MGAT5: variants seen among roughly 807,000 people sequenced by gnomAD.
The protein encoded by MGAT5 is alpha-1,6-mannosylglycoprotein 6-beta-N-acetylglucosaminyltransferase.
A neutral mutation model predicts 94.3 loss-of-function variants in MGAT5; 30 were observed. That is an observed-to-expected ratio of 0.32 (90% CI 0.24 to 0.43). The LOEUF (loss-of-function observed/expected upper bound fraction) is 0.43. Among genes scored for constraint, MGAT5 ranks in the 20% least tolerant of loss-of-function variants. The pLI, the probability that MGAT5 is intolerant of heterozygous loss-of-function variation, is 1.00. For missense variants in MGAT5, 691 were observed against 905.5 expected, an observed-to-expected ratio of 0.76 and a Z score of 3.04; for synonymous variants, 310 against 322.9, an observed-to-expected ratio of 0.96 and a Z score of 0.43.
chr2:134,131,255 G>A (rs1008019512), intron 1 of MGAT5, among the ~76,000 whole-genome samples: 1 of 152,150 alleles, frequency 6.6e-6, no homozygotes, highest in Non-Finnish European at 1.5e-5. Context: ...CACACTCACC[G>A]CGAGGGTCCG....
intron 2 of MGAT5, among the ~76,000 whole-genome samples, chr2:134,288,085 C>T (rs1000682221): frequency 7.9e-5 from 12 of 152,160 alleles, no homozygotes; most frequent in Admixed American, 6.5e-4. Flanking sequence ...TTTGAATTCT[C>T]TTGCTGGTGT....
rs112694787 is a variant in MGAT5 at position 134,175,282 on chromosome 2, G to A, written c.-143+54991G>A. ...GAGAGTGAATAGGGCAGGCTCTTAT[G>A]TACCTACCCCTCCATATTCCCTGCC... On this transcript the variant is annotated intron_variant, in intron 1 of 16. Coordinates refer to the MGAT5 transcript ENST00000409645. Among the ~76,000 whole-genome samples, 905 of 152,294 alleles carry A rather than the reference G, an allele frequency of 5.9e-3. 7 individuals are homozygous for A. Among genetic ancestry groups the A allele is most frequent in the African/African-American group, 0.02 (827 of 41,554 alleles).
At chr2:134,393,283 A>G (rs1028341371) in intron 10 of MGAT5, among the ~76,000 whole-genome samples, 1 of 152,182 alleles carries the variant, frequency 6.6e-6, no homozygotes, top group African/African-American at 2.4e-5. Flanking sequence ...AGAAAAGGCC[A>G]GATTACCTCA....
intron 4 of MGAT5, among the ~76,000 whole-genome samples, chr2:134,319,191 G>C (rs1304914147): frequency 6.6e-6 from 1 of 152,134 alleles, no homozygotes; most frequent in Admixed American, 6.5e-5. Flanking sequence ...AAGTGAAATT[G>C]ATGGATCATA....
At position 134,422,870 on chromosome 2, in the gene MGAT5, A is replaced by C; in HGVS notation, c.1745A>C (p.Asn582Thr). 1 of 1,613,966 alleles carries C rather than the reference A, an allele frequency of 6.2e-7. No individual in the cohort carries two copies. The highest frequency in any genetic ancestry group is 8.5e-7 in the Non-Finnish European group (1 of 1,179,848). ...CCACATGTGTGGACTGTTGACCTCA[A>C]CAATCAGGAGGAAGTAGAGGATGCA... is the stretch of plus-strand genomic sequence containing the variant. ...GRPHVWTVDLNNQEEVEDAVK... is the reference protein window; with the variant it reads ...GRPHVWTVDLTNQEEVEDAVK... Residue 582 changes from asparagine (N) to threonine (T), a missense_variant, in exon 13 of 16, where the codon AAC becomes ACC. Coordinates refer to ENST00000281923, the MANE Select transcript of MGAT5 (RefSeq NM_002410.5).
intron 1 of MGAT5, among the ~76,000 whole-genome samples, chr2:134,191,781 G>A (rs1271537717): frequency 6.8e-6 from 1 of 146,678 alleles, no homozygotes; most frequent in African/African-American, 2.6e-5. Context: ...ATGGTAGGGT[G>A]GTTTCGTGCC....
intron 1 of MGAT5, among the ~76,000 whole-genome samples, chr2:134,264,108 C>T (rs771082500): frequency 1.4e-5 from 2 of 148,032 alleles, no homozygotes; most frequent in Admixed American, 1.4e-4. Context: ...CCGCAATCTC[C>T]GCCTCCCAGG....
intron 11 of MGAT5, among the ~76,000 whole-genome samples, chr2:134,408,529 A>G (rs1683470463): frequency 6.6e-6 from 1 of 152,188 alleles, no homozygotes; most frequent in Non-Finnish European, 1.5e-5. Context: ...AGACTCTGAC[A>G]AAAGTCTGCT....
At chr2:134,324,684 A>T (rs535553237) in intron 4 of MGAT5, among the ~76,000 whole-genome samples, 5 of 152,250 alleles carry the variant, frequency 3.3e-5, no homozygotes, top group Admixed American at 1.3e-4. Context: ...CAAAGTGGGC[A>T]GTGATAAAGA....
intron 4 of MGAT5, among the ~76,000 whole-genome samples, chr2:134,335,130 A>T (rs1688256417): frequency 6.6e-6 from 1 of 152,134 alleles, no homozygotes; most frequent in Non-Finnish European, 1.5e-5. Context: ...CAGATTAAGT[A>T]AAACTGACAT....
intron 13 of MGAT5, among the ~76,000 whole-genome samples, chr2:134,427,074 G>T (rs758248761): frequency 6.6e-4 from 101 of 152,268 alleles, no homozygotes; most frequent in Non-Finnish European, 1.4e-3. Context: ...ATACGAGAAA[G>T]GGGGAGATGA....
At chr2:134,139,687 C>A (rs1400719773) in intron 1 of MGAT5, among the ~76,000 whole-genome samples, 1 of 152,184 alleles carries the variant, frequency 6.6e-6, no homozygotes, top group Non-Finnish European at 1.5e-5. Flanking sequence ...TCTCTTGCAG[C>A]CTTCTAAGCC....
At chr2:134,283,768 T>C (rs925378258) in intron 2 of MGAT5, among the ~76,000 whole-genome samples, 4 of 150,892 alleles carry the variant, frequency 2.7e-5, no homozygotes, top group African/African-American at 9.8e-5. Flanking sequence ...TGGTTATTTA[T>C]GAGGCTTGAC....
At chr2:134,318,618 T>C (rs1156901387) in intron 3 of MGAT5, 32 bp from the exon 4 acceptor site, 3 of 1,545,200 alleles carry the variant, frequency 1.9e-6, no homozygotes, top group Middle Eastern at 1.7e-4. Flanking sequence ...GGCCTGTGAA[T>C]GGGCTGCTCA....
intron 1 of MGAT5, among the ~76,000 whole-genome samples, chr2:134,122,546 AAGGTGATGGAGGAGGGGCAAG>A (rs1685661947): frequency 6.6e-6 from 1 of 152,186 alleles, no homozygotes; most frequent in African/African-American, 2.4e-5. Flanking sequence ...CCTGAAAAGC[AAGGTGATGGAGGAGGGGCAAG>A]AGGGTGACTG....
chr2:134,234,056 A>G (rs1056191044), intron 1 of MGAT5, among the ~76,000 whole-genome samples: 1 of 152,238 alleles, frequency 6.6e-6, no homozygotes, highest in African/African-American at 2.4e-5. Context: ...CATGATGGGT[A>G]ATAATCTCAT....
At chr2:134,306,305 A>T (rs1686326958) in intron 2 of MGAT5, among the ~76,000 whole-genome samples, 1 of 152,176 alleles carries the variant, frequency 6.6e-6, no homozygotes, top group Non-Finnish European at 1.5e-5. Flanking sequence ...AAAGCACTCT[A>T]ATTATCCAAA....
At chr2:134,392,326 G>T (rs567872158) in intron 10 of MGAT5, among the ~76,000 whole-genome samples, 1 of 152,178 alleles carries the variant, frequency 6.6e-6, no homozygotes, top group East Asian at 1.9e-4. Flanking sequence ...CAGGAATGAG[G>T]TGAATAAATT....
At chr2:134,138,265 A>G (rs1006890243) in intron 1 of MGAT5, among the ~76,000 whole-genome samples, 1 of 152,054 alleles carries the variant, frequency 6.6e-6, no homozygotes, top group African/African-American at 2.4e-5. Flanking sequence ...TTACTCGCTA[A>G]GAGTTAGTGA....
Sources: gnomAD v4.1 joint callset for allele counts (sites outside exome capture counted in the v4.1 genomes callset) on GRCh38, gnomAD v4.1.1 for gene constraint, MANE v1.5 for transcripts, NCBI Gene and HGNC (gene_info 2026-07-23, HGNC 2026-07-21) for gene names.